Variants in FAT3 observed in about 807,000 individuals in gnomAD.
The protein encoded by FAT3 is FAT atypical cadherin 3.
In FAT3, 95 loss-of-function variants were observed where a neutral mutation model predicts 310.2. That is an observed-to-expected ratio of 0.31 (90% CI 0.26 to 0.36). FAT3 has a LOEUF of 0.36. Ranked by LOEUF, FAT3 falls within the 10% of genes least tolerant of loss-of-function variation. FAT3 has a pLI of 1.00. For synonymous variants in FAT3, 2,314 were observed against 2,192.9 expected, an observed-to-expected ratio of 1.06 and a Z score of -1.54; for missense variants, 5,408 against 5,715.6, an observed-to-expected ratio of 0.95 and a Z score of 1.74.
chr11:92,439,306 T>C (rs1951017202), intron 2 of FAT3, among the ~76,000 whole-genome samples: 1 of 152,204 alleles, frequency 6.6e-6, no homozygotes, highest in Non-Finnish European at 1.5e-5. Context: ...CATTTTCCTC[T>C]CATATGCCAT....
rs553296108 is a variant in FAT3, at chr11:92,677,611, A to G, written c.3608-19773A>G. Among the ~76,000 whole-genome samples, 12 of 152,344 alleles carry G rather than the reference A, an allele frequency of 7.9e-5. No individual in the cohort carries two copies. In the South Asian group the frequency reaches 8.3e-4, roughly 11 times the overall value. On this transcript the variant is annotated intron_variant, in intron 3 of 27. Transcript: ENST00000525166. ...GCAGCTTTGGAGGATGGAAAGTCCA[A>G]GGTCAAGAGGTTTGCATCTGATGAG... is the stretch of plus-strand genomic sequence containing the variant.
chr11:92,589,676 C>T (rs1045192752), intron 3 of FAT3, among the ~76,000 whole-genome samples: 5 of 151,832 alleles, frequency 3.3e-5, no homozygotes, highest in African/African-American at 9.7e-5. Flanking sequence ...GTTTCTCTCT[C>T]GCTCTCCCCC....
At chr11:92,671,653 T>G (rs191126307) in intron 3 of FAT3, among the ~76,000 whole-genome samples, 1 of 152,266 alleles carries the variant, frequency 6.6e-6, no homozygotes, top group Non-Finnish European at 1.5e-5. Flanking sequence ...AATCCCATAT[T>G]TGTGCACTTA....
At chr11:92,398,263 G>A (rs1949924788) in intron 2 of FAT3, among the ~76,000 whole-genome samples, 1 of 152,048 alleles carries the variant, frequency 6.6e-6, no homozygotes, top group African/African-American at 2.4e-5. Context: ...CACTTTGGGA[G>A]GCTGAGGCGG....
chr11:92,492,339 C>A (rs1952631233), intron 2 of FAT3, among the ~76,000 whole-genome samples: 1 of 151,898 alleles, frequency 6.6e-6, no homozygotes, highest in Non-Finnish European at 1.5e-5. Flanking sequence ...GAGTTTGAGT[C>A]CTGGCTTTAG....
intron 3 of FAT3, among the ~76,000 whole-genome samples, chr11:92,671,620 C>T (rs1223712114): frequency 6.6e-6 from 1 of 152,022 alleles, no homozygotes; most frequent in Non-Finnish European, 1.5e-5. Context: ...CACTAGTTTT[C>T]CTTCAAAGCA....
chr11:92,521,139 TGG>T (rs1953667372), intron 2 of FAT3, among the ~76,000 whole-genome samples: 1 of 152,074 alleles, frequency 6.6e-6, no homozygotes, highest in Non-Finnish European at 1.5e-5. Flanking sequence ...GAAAGTGCTT[TGG>T]TGTGTGTGTG....
chr11:92,797,539 G>A (rs897802131), intron 9 of FAT3, among the ~76,000 whole-genome samples: 4 of 152,128 alleles, frequency 2.6e-5, no homozygotes, highest in South Asian at 4.1e-4. Flanking sequence ...TCTCCTTCGG[G>A]CTCTCTTATT....
chr11:92,306,425 C>A (rs1301796427), intron 1 of FAT3, among the ~76,000 whole-genome samples: 1 of 144,106 alleles, frequency 6.9e-6, no homozygotes, highest in Non-Finnish European at 1.5e-5. Context: ...AGTTTTAGTA[C>A]CCTTCCCCCC....
chr11:92,340,500 G>A (rs550174664), intron 1 of FAT3, among the ~76,000 whole-genome samples: 3 of 152,238 alleles, frequency 2.0e-5, no homozygotes, highest in East Asian at 3.9e-4. Flanking sequence ...TGTTTGAACC[G>A]TCTGCATTGG....
intron 3 of FAT3, among the ~76,000 whole-genome samples, chr11:92,589,818 CA>C (rs2135555925): frequency 6.6e-6 from 1 of 152,174 alleles, no homozygotes; most frequent in Admixed American, 6.6e-5. Flanking sequence ...ACTTCTATAT[CA>C]AGCACTGTTT....
rs910728205 is a variant in FAT3 at position 92,425,683 on chromosome 11, A to G, written c.3292+70279A>G. On this transcript the variant is annotated intron_variant, in intron 2 of 27. Coordinates refer to ENST00000525166, the MANE Select transcript of FAT3 (RefSeq NM_001367949.2). ...AGTTTGCCGAGAATGGTGGTTTCCG[A>G]CTTTATCTGTGTCCCTGCAAACGAC... is the stretch of plus-strand genomic sequence containing the variant. Among the ~76,000 whole-genome samples, 3 of 151,838 alleles carry G rather than the reference A, an allele frequency of 2.0e-5. No homozygotes were observed. The East Asian group carries it at 5.8e-4, about 29-fold the overall frequency.
intron 2 of FAT3, among the ~76,000 whole-genome samples, chr11:92,418,625 C>T (rs1244305068): frequency 6.6e-6 from 1 of 151,954 alleles, no homozygotes; most frequent in Non-Finnish European, 1.5e-5. Flanking sequence ...ACTTGCCTCC[C>T]CAGGACCCAT....
chr11:92,399,655 T>TGGAATATGCCA (rs1211959356), intron 2 of FAT3, among the ~76,000 whole-genome samples: 5 of 152,142 alleles, frequency 3.3e-5, no homozygotes, highest in Admixed American at 6.5e-5. Context: ...CCATGACCCT[T>TGGAATATGCCA]TATTCCAGCT....
intron 2 of FAT3, among the ~76,000 whole-genome samples, chr11:92,424,880 G>A (rs979221174): frequency 3.9e-5 from 6 of 152,136 alleles, no homozygotes; most frequent in Non-Finnish European, 7.4e-5. Flanking sequence ...AGATTGTAAT[G>A]TGATTATTAA....
intron 2 of FAT3, among the ~76,000 whole-genome samples, chr11:92,435,728 C>G (rs190073981): frequency 1.3e-5 from 2 of 152,064 alleles, no homozygotes; most frequent in Admixed American, 1.3e-4. Context: ...CCACACCCAG[C>G]TCTAATTGTT....
chr11:92,818,077 T>C (rs774181461), intron 13 of FAT3, among the ~76,000 whole-genome samples: 4 of 152,206 alleles, frequency 2.6e-5, no homozygotes, highest in Admixed American at 6.5e-5. Context: ...TGCTTGTCTA[T>C]ACCTGCAGCC....
intron 14 of FAT3, among the ~76,000 whole-genome samples, chr11:92,832,215 G>A (rs1398661716): frequency 6.6e-6 from 1 of 152,046 alleles, no homozygotes; most frequent in African/African-American, 2.4e-5. Flanking sequence ...ATGCACCTGT[G>A]GTCCCTACTG....
In FAT3 at chr11:92,674,545, CAG is replaced by C. The variant is rs542703109; in HGVS notation, c.3608-22836_3608-22835del. Among the ~76,000 whole-genome samples, 39 of 151,922 alleles carry C rather than the reference CAG, an allele frequency of 2.6e-4. 2 individuals carry two copies. The Middle Eastern group carries it at 0.01, about 40-fold the overall frequency. The stretch of plus-strand genomic sequence containing the variant: ...TTAATTTAATTAATTTTTTTTAATG[CAG>C]AGTCTCACTCTGTTGCCCAAGCTGG... On this transcript the variant is annotated intron_variant, in intron 3 of 27. Transcript: ENST00000525166.
Sources: allele counts gnomAD v4.1 joint callset (sites outside exome capture counted in the v4.1 genomes callset), GRCh38; gene constraint gnomAD v4.1.1; transcripts MANE v1.5; gene names NCBI Gene and HGNC (gene_info 2026-07-23, HGNC 2026-07-21).